The following LNP1 variants were observed in gnomAD, a reference collection of about 807,000 sequenced individuals.
LNP1 encodes leukemia NUP98 fusion partner 1.
LNP1 carries 12 observed loss-of-function variants against 14.5 expected under a neutral mutation model. The observed-to-expected ratio is 0.83, with a 90% confidence interval of 0.53 to 1.34. LNP1 has a LOEUF of 1.34. LNP1 is among the 40% of genes most tolerant of loss of function. The pLI, the probability that LNP1 is intolerant of heterozygous loss-of-function variation, is 0.00. For synonymous variants in LNP1, 75 were observed against 71.4 expected, an observed-to-expected ratio of 1.05 and a Z score of -0.26; for missense variants, 198 against 210.9, an observed-to-expected ratio of 0.94 and a Z score of 0.38.
intron 1 of LNP1, among the ~76,000 whole-genome samples, chr3:100,409,956 C>CATCTATCTATCT (rs71625560): frequency 0.01 from 1,562 of 149,508 alleles, 11 homozygotes; most frequent in Middle Eastern, 0.024. Flanking sequence ...ACATAGCTTA[C>CATCTATCTATCT]ATCTATCTAT....
intron 1 of LNP1, among the ~76,000 whole-genome samples, chr3:100,423,740 A>T (rs1404920661): frequency 6.6e-6 from 1 of 152,134 alleles, no homozygotes; most frequent in African/African-American, 2.4e-5. Flanking sequence ...TGATACTCAA[A>T]TTCTCAGCTC....
rs574029469 is a variant in LNP1, at chr3:100,415,829, C to T, written c.-34+13390C>T. 1.2e-4 allele frequency among the ~76,000 whole-genome samples: 18 copies of T among 152,324 alleles called. No individual in the cohort carries two copies. The East Asian group carries it at 3.3e-3, about 28-fold the overall frequency. On this transcript the variant is annotated intron_variant, in intron 1 of 3. Coordinates refer to ENST00000383693, the MANE Select transcript of LNP1 (RefSeq NM_001085451.2). The stretch of plus-strand genomic sequence containing the variant: ...TGGAACTTTGCCACCACCTTAGAAG[C>T]TTCTTCTATGACTGCTATCCAAATC...
chr3:100,406,557 G>T (rs1269627623), intron 1 of LNP1, among the ~76,000 whole-genome samples: 1 of 151,756 alleles, frequency 6.6e-6, no homozygotes, highest in African/African-American at 2.4e-5. Flanking sequence ...TTTTTGAGAT[G>T]GAGTCTTGCT....
intron 2 of LNP1, among the ~76,000 whole-genome samples, chr3:100,436,833 G>T (rs1007754354): frequency 2.6e-5 from 4 of 152,114 alleles, no homozygotes; most frequent in African/African-American, 9.7e-5. Flanking sequence ...AGTTCATGAG[G>T]GTGGGGTCCT....
intron 2 of LNP1, among the ~76,000 whole-genome samples, chr3:100,439,054 A>G (rs762299112): frequency 9.2e-5 from 14 of 152,326 alleles, no homozygotes; most frequent in South Asian, 2.1e-4. Context: ...ACAAAGTCAT[A>G]TGCCAAAGCG....
intron 1 of LNP1, among the ~76,000 whole-genome samples, chr3:100,414,702 A>G (rs1028859640): frequency 6.6e-6 from 1 of 152,332 alleles, no homozygotes; most frequent in East Asian, 1.9e-4. Flanking sequence ...GCCACATAGC[A>G]AGGAACTCTA....
chr3:100,435,010 C>T (rs1297502166), intron 2 of LNP1, among the ~76,000 whole-genome samples: 1 of 152,110 alleles, frequency 6.6e-6, no homozygotes, highest in African/African-American at 2.4e-5. Flanking sequence ...GCATGGCCCT[C>T]TTAGGGGAGT....
Position 100,408,797 on chromosome 3 carries a change from G to A in LNP1, c.-34+6358G>A, listed in dbSNP as rs142017418. 1.8e-4 allele frequency among the ~76,000 whole-genome samples: 28 copies of A among 152,028 alleles called. No homozygotes were observed. In the East Asian group the frequency reaches 3.3e-3, roughly 18 times the overall value. On this transcript the variant is annotated intron_variant, in intron 1 of 3. Transcript: ENST00000383693. The stretch of plus-strand genomic sequence containing the variant: ...TCCCAAGCAGACAATATCTTTTTCC[G>A]GGCTGTGCTGCCTGGTCTTGGGGGA...
intron 2 of LNP1, among the ~76,000 whole-genome samples, chr3:100,437,902 T>G (rs1006683170): frequency 6.6e-6 from 1 of 152,232 alleles, no homozygotes; most frequent in African/African-American, 2.4e-5. Flanking sequence ...CTTAGGCATG[T>G]CACTTTATCT....
At chr3:100,442,699 C>A (rs956442029) in intron 2 of LNP1, among the ~76,000 whole-genome samples, 1 of 152,168 alleles carries the variant, frequency 6.6e-6, no homozygotes, top group African/African-American at 2.4e-5. Flanking sequence ...AAGCTGTTCC[C>A]AGCCTGACTT....
intron 1 of LNP1, among the ~76,000 whole-genome samples, chr3:100,408,663 T>C (rs1315007447): frequency 6.6e-6 from 1 of 152,192 alleles, no homozygotes; most frequent in Non-Finnish European, 1.5e-5. Context: ...CTGCAGTTAC[T>C]GGCCTGAAGT....
intron 2 of LNP1, among the ~76,000 whole-genome samples, chr3:100,444,436 A>G (rs370661342): frequency 1.3e-5 from 2 of 152,338 alleles, no homozygotes; most frequent in African/African-American, 4.8e-5. Flanking sequence ...GCCCTAAGAA[A>G]ACCAAACACC....
intron 1 of LNP1, among the ~76,000 whole-genome samples, chr3:100,404,587 A>G (rs1263714289): frequency 2.0e-5 from 3 of 152,190 alleles, no homozygotes; most frequent in Non-Finnish European, 2.9e-5. Flanking sequence ...CAATCTCTCC[A>G]TTAGTAACCA....
intron 2 of LNP1, among the ~76,000 whole-genome samples, chr3:100,434,298 C>G (rs991262623): frequency 2.6e-5 from 4 of 152,128 alleles, no homozygotes; most frequent in African/African-American, 7.2e-5. Flanking sequence ...GGCCAATTTT[C>G]CCAGCACCAT....
At position 100,429,886 on chromosome 3, in the gene LNP1, G is replaced by A; in HGVS notation, c.156+1G>A. The A allele has an allele frequency of 1.2e-6, 2 of 1,612,418 alleles. No homozygotes were observed. Among genetic ancestry groups the A allele is most frequent in the Non-Finnish European group, 1.7e-6 (2 of 1,179,296 alleles). ...CAGGAAAACCTCCCTGCCCTGCCCAGTGAGTGATTGTCATGGAACCGGAGG... is the reference window on the plus strand; with the variant it reads ...CAGGAAAACCTCCCTGCCCTGCCCAATGAGTGATTGTCATGGAACCGGAGG... On this transcript the variant is annotated splice_donor_variant, in intron 2 of 3. Coordinates refer to ENST00000383693, the MANE Select transcript of LNP1 (RefSeq NM_001085451.2). LOFTEE classifies it high-confidence loss of function.
intron 1 of LNP1, among the ~76,000 whole-genome samples, chr3:100,409,553 TAC>T (rs1205237589): frequency 0.012 from 1,412 of 122,216 alleles, 31 homozygotes; most frequent in African/African-American, 0.041. Flanking sequence ...TATATATATA[TAC>T]ATACACACAC....
At chr3:100,416,198 C>T (rs1707082244) in intron 1 of LNP1, among the ~76,000 whole-genome samples, 2 of 152,162 alleles carry the variant, frequency 1.3e-5, no homozygotes, top group African/African-American at 4.8e-5. Flanking sequence ...TCTATTCTCT[C>T]ATTTTCATTT....
At chr3:100,455,677 T>C (rs766594404) in intron 3 of LNP1, 100 bp from the exon 4 acceptor site, 154 of 1,161,034 alleles carry the variant, frequency 1.3e-4, no homozygotes, top group Admixed American at 5.2e-4. Flanking sequence ...GGAAGTCTGC[T>C]AAACCATCAG....
At chr3:100,415,885 C>A (rs562707646) in intron 1 of LNP1, among the ~76,000 whole-genome samples, 1 of 152,260 alleles carries the variant, frequency 6.6e-6, no homozygotes, top group Non-Finnish European at 1.5e-5. Flanking sequence ...TATAAGTAAC[C>A]ATTATCTTGA....
Sources: allele counts gnomAD v4.1 joint callset (sites outside exome capture counted in the v4.1 genomes callset), GRCh38; gene constraint gnomAD v4.1.1; transcripts MANE v1.5; gene names NCBI Gene and HGNC (gene_info 2026-07-23, HGNC 2026-07-21).